The following GABRA3 variants were observed in gnomAD, a reference collection of about 807,000 sequenced individuals.
The protein encoded by GABRA3 is gamma-aminobutyric acid receptor subunit alpha-3.
A neutral mutation model predicts 30.1 loss-of-function variants in GABRA3; 10 were observed. The observed-to-expected ratio is 0.33, with a 90% CI of 0.20 to 0.56. The LOEUF (loss-of-function observed/expected upper bound fraction) is 0.56. Ranked by LOEUF, GABRA3 falls within the 20% of genes least tolerant of loss-of-function variation. GABRA3 has a pLI of 0.89. For synonymous variants in GABRA3, 151 were observed against 146.8 expected, an observed-to-expected ratio of 1.03 and a Z score of -0.21; for missense variants, 233 against 392.0, an observed-to-expected ratio of 0.59 and a Z score of 3.42.
intron 3 of GABRA3, among the ~76,000 whole-genome samples, chrX:152,325,005 G>C (rs965519357): frequency 1.8e-5 from 2 of 111,686 alleles, no homozygotes; most frequent in Non-Finnish European, 3.8e-5. Context: ...TAAAATGGGA[G>C]AGGTGATAGT....
rs749615070 is a variant in GABRA3 at position 152,184,646 on chromosome X, G to A, written c.1143+5084C>T. ...CGCTTCCTAACACTGAATTTCTCCC[G>A]GGTTATGTTTTACTGCAGTTCGATA... On this transcript the variant is annotated intron_variant, in intron 9 of 9. Transcript: ENST00000370314. Among the ~76,000 whole-genome samples the A allele has an allele frequency of 7.2e-5, 8 of 110,868 alleles. No homozygotes were observed. The East Asian group carries it at 1.4e-3, about 20-fold the overall frequency.
At chrX:152,227,218 T>G (rs992506071) in intron 5 of GABRA3, among the ~76,000 whole-genome samples, 64 of 108,292 alleles carry the variant, frequency 5.9e-4, no homozygotes, top group Non-Finnish European at 9.9e-4. Flanking sequence ...AATGATGAGT[T>G]CATTTCCTTT....
chrX:152,442,114 G>A (rs773559860), intron 1 of GABRA3, among the ~76,000 whole-genome samples: 61 of 111,474 alleles, frequency 5.5e-4, no homozygotes, highest in African/African-American at 1.9e-3. Context: ...TAAGTCTTAT[G>A]AATCAGTAAG....
intron 1 of GABRA3, among the ~76,000 whole-genome samples, chrX:152,377,035 T>C (rs1238751296): frequency 8.9e-6 from 1 of 112,072 alleles, no homozygotes; most frequent in Admixed American, 9.5e-5. Flanking sequence ...CTATTGAGAA[T>C]GGATTCAGAT....
intron 6 of GABRA3, among the ~76,000 whole-genome samples, chrX:152,215,965 G>T (rs1457298768): frequency 9.0e-6 from 1 of 110,805 alleles, no homozygotes; most frequent in African/African-American, 3.3e-5. Flanking sequence ...TATACAAATG[G>T]CCTCCAGGTA....
intron 3 of GABRA3, among the ~76,000 whole-genome samples, chrX:152,343,997 G>A (rs1940354223): frequency 9.0e-6 from 1 of 111,068 alleles, no homozygotes; most frequent in African/African-American, 3.3e-5. Flanking sequence ...GTGTGCATTT[G>A]CTATTTTCCC....
At chrX:152,341,758 T>G in intron 3 of GABRA3, among the ~76,000 whole-genome samples, 1 of 110,681 alleles carries the variant, frequency 9.0e-6, no homozygotes, top group Middle Eastern at 4.7e-3. Flanking sequence ...TCCAGGATGG[T>G]CTCGATCTCT....
intron 3 of GABRA3, among the ~76,000 whole-genome samples, chrX:152,299,561 A>G (rs1436074501): frequency 8.9e-6 from 1 of 111,967 alleles, no homozygotes; most frequent in Admixed American, 9.5e-5. Flanking sequence ...GCAAAATACT[A>G]TTAATTTGGA....
intron 7 of GABRA3, among the ~76,000 whole-genome samples, chrX:152,199,121 C>T (rs769681894): frequency 3.6e-5 from 4 of 111,306 alleles, no homozygotes; most frequent in South Asian, 7.6e-4. Context: ...AATCCCAGCA[C>T]TTTGGGAGGC....
chrX:152,176,065 AAAAT>A (rs61560461), intron 9 of GABRA3, among the ~76,000 whole-genome samples: 44,270 of 93,729 alleles, frequency 0.47, 10,272 homozygotes, highest in Non-Finnish European at 0.6. Context: ...TTCCATCTCA[AAAAT>A]AAATAAATAA....
chrX:152,171,813 C>A (rs1283813608), intron 9 of GABRA3, among the ~76,000 whole-genome samples: 2 of 111,902 alleles, frequency 1.8e-5, no homozygotes, highest in African/African-American at 6.5e-5. Context: ...GAGTTTGAAT[C>A]CAGAACAGGA....
chrX:152,354,725 T>C (rs1401990045), intron 2 of GABRA3, among the ~76,000 whole-genome samples: 1 of 111,395 alleles, frequency 9.0e-6, no homozygotes, highest in African/African-American at 3.3e-5. Context: ...TGCCCTGTGG[T>C]ACTAATGCAG....
chrX:152,261,586 T>C (rs1938730484), intron 4 of GABRA3, among the ~76,000 whole-genome samples: 1 of 112,476 alleles, frequency 8.9e-6, no homozygotes, highest in African/African-American at 3.2e-5. Context: ...AGTTCCAAAA[T>C]GATGTCCTTT....
At chrX:152,235,165 G>A (rs756600004) in intron 5 of GABRA3, among the ~76,000 whole-genome samples, 8 of 111,234 alleles carry the variant, frequency 7.2e-5, no homozygotes, top group South Asian at 3.7e-4. Flanking sequence ...TGTAGTTTTC[G>A]TTGTTGAGAT....
intron 1 of GABRA3, among the ~76,000 whole-genome samples, chrX:152,450,261 C>G (rs976966838): frequency 9.1e-6 from 1 of 110,216 alleles, no homozygotes; most frequent in African/African-American, 3.3e-5. Flanking sequence ...CCATGCCACC[C>G]GCAGCCACAG....
chrX:152,318,338 C>CA (rs1432226840), intron 3 of GABRA3, among the ~76,000 whole-genome samples: 1 of 110,736 alleles, frequency 9.0e-6, no homozygotes, highest in African/African-American at 3.3e-5. Context: ...AATTACCAAA[C>CA]AAAAAAACCA....
Position 152,235,332 on chromosome X carries a change from C to A in GABRA3, c.552-10487G>T, listed in dbSNP as rs978064698. Among the ~76,000 whole-genome samples, 3 of 111,512 alleles carry A rather than the reference C, an allele frequency of 2.7e-5. No homozygotes were observed. In the South Asian group the frequency reaches 1.1e-3, roughly 41 times the overall value. The stretch of plus-strand genomic sequence containing the variant: ...TTTTGTATCCTGAAACGACTGAATT[C>A]ATTTATCAAATTTAGGAGTCTTTTG... On this transcript the variant is annotated intron_variant, in intron 5 of 9. Coordinates refer to ENST00000370314, the MANE Select transcript of GABRA3 (RefSeq NM_000808.4).
At chrX:152,307,562 C>A (rs1160299442) in intron 3 of GABRA3, among the ~76,000 whole-genome samples, 4 of 111,490 alleles carry the variant, frequency 3.6e-5, no homozygotes, top group African/African-American at 1.3e-4. Flanking sequence ...AAATGGCAGA[C>A]TAGACATAGC....
intron 7 of GABRA3, among the ~76,000 whole-genome samples, chrX:152,198,739 T>C: frequency 1.8e-5 from 2 of 112,076 alleles, no homozygotes; most frequent in Non-Finnish European, 3.8e-5. Flanking sequence ...CTTGCACTTC[T>C]TTTTTCTGTC....
Sources: gnomAD v4.1 joint callset for allele counts (sites outside exome capture counted in the v4.1 genomes callset) on GRCh38, gnomAD v4.1.1 for gene constraint, MANE v1.5 for transcripts, NCBI Gene and HGNC (gene_info 2026-07-23, HGNC 2026-07-21) for gene names.